Variants in LRRC69 observed in about 807,000 individuals in gnomAD.
LRRC69 encodes leucine-rich repeat-containing protein 69.
Under a neutral mutation model 37.8 loss-of-function variants are expected in LRRC69, and 42 were observed. The ratio of observed to expected loss-of-function variants is 1.11; its 90% CI spans 0.87 to 1.44. LRRC69 has a LOEUF of 1.44. LRRC69 is among the 40% of genes most tolerant of loss of function. The pLI is 0.00. For missense variants in LRRC69, 357 were observed against 401.9 expected (o/e 0.89, Z 0.96); for synonymous variants, 141 against 143.1 (o/e 0.99, Z 0.11).
At chr8:91,143,469 CATG>C (rs556884609) in intron 5 of LRRC69, among the ~76,000 whole-genome samples, 11 of 152,128 alleles carry the variant, frequency 7.2e-5, no homozygotes, top group African/African-American at 2.6e-4. Flanking sequence ...GTTTCAAATT[CATG>C]ATTTAACATT....
chr8:91,187,874 T>C (rs1477632709), intron 5 of LRRC69, among the ~76,000 whole-genome samples: 1 of 152,250 alleles, frequency 6.6e-6, no homozygotes, highest in Non-Finnish European at 1.5e-5. Context: ...GTCCTTCACT[T>C]GCTTATTTCT....
chr8:91,143,751 G>T (rs1808569917), intron 5 of LRRC69, among the ~76,000 whole-genome samples: 1 of 151,722 alleles, frequency 6.6e-6, no homozygotes, highest in South Asian at 2.1e-4. Flanking sequence ...TGAGAATACT[G>T]AAAGCAGTTT....
intron 5 of LRRC69, among the ~76,000 whole-genome samples, chr8:91,137,335 C>T (rs1427260075): frequency 2.6e-5 from 4 of 151,980 alleles, no homozygotes; most frequent in East Asian, 1.9e-4. Flanking sequence ...ACGTTTTCTA[C>T]GGTATTTCTA....
intron 3 of LRRC69, among the ~76,000 whole-genome samples, chr8:91,128,376 A>G (rs983930604): frequency 6.6e-6 from 1 of 152,094 alleles, no homozygotes; most frequent in African/African-American, 2.4e-5. Context: ...CGTAAATCTA[A>G]GGGAATATGT....
downstream of LRRC69, chr8:91,219,040 C>A: frequency 8.8e-7 from 1 of 1,133,984 alleles, no homozygotes; most frequent in Non-Finnish European, 1.3e-6. Context: ...CTCCACTTGC[C>A]CTGTCAGCTC....
At chr8:91,129,560 A>T (rs957045894) in intron 3 of LRRC69, among the ~76,000 whole-genome samples, 3 of 151,944 alleles carry the variant, frequency 2.0e-5, no homozygotes, top group African/African-American at 7.2e-5. Context: ...AATAAAAATG[A>T]TAATAAAAAT....
chr8:91,218,281 A>T (rs1810091774), intron 7 of LRRC69, among the ~76,000 whole-genome samples: 1 of 152,288 alleles, frequency 6.6e-6, no homozygotes, highest in South Asian at 2.1e-4. Context: ...TGAGGTTACC[A>T]TTATTTCAAA....
At chr8:91,172,667 C>T (rs1399768837) in intron 5 of LRRC69, among the ~76,000 whole-genome samples, 1 of 151,926 alleles carries the variant, frequency 6.6e-6, no homozygotes, top group African/African-American at 2.4e-5. Flanking sequence ...AGTCATGCAC[C>T]ACCACACTCG....
At chr8:91,106,461 G>C (rs1813313584) in intron 1 of LRRC69, among the ~76,000 whole-genome samples, 1 of 151,932 alleles carries the variant, frequency 6.6e-6, no homozygotes, top group Admixed American at 6.6e-5. Context: ...AATGCTAATA[G>C]AATAACAACA....
At chr8:91,123,266 C>T (rs375315977) in intron 1 of LRRC69, among the ~76,000 whole-genome samples, 3 of 151,940 alleles carry the variant, frequency 2.0e-5, no homozygotes, top group Non-Finnish European at 4.4e-5. Flanking sequence ...TTTTTTATAG[C>T]AGTTATAGGA....
At chr8:91,177,850 CTT>C (rs10645044) in intron 5 of LRRC69, among the ~76,000 whole-genome samples, 20 of 130,812 alleles carry the variant, frequency 1.5e-4, no homozygotes, top group Admixed American at 5.5e-4. Flanking sequence ...TTCTGCTTTT[CTT>C]TTTTTTTTTT....
chr8:91,108,261 G>A (rs535549761), intron 1 of LRRC69, among the ~76,000 whole-genome samples: 2 of 151,938 alleles, frequency 1.3e-5, no homozygotes, highest in African/African-American at 2.4e-5. Context: ...TACTTTTGCT[G>A]TCCTTAATGA....
intron 5 of LRRC69, among the ~76,000 whole-genome samples, chr8:91,185,770 G>T (rs1809398101): frequency 6.6e-6 from 1 of 151,252 alleles, no homozygotes; most frequent in African/African-American, 2.4e-5. Context: ...CCCCCTCCTT[G>T]AAACTTGACC....
intron 5 of LRRC69, among the ~76,000 whole-genome samples, chr8:91,153,008 C>G (rs565840156): frequency 1.7e-4 from 25 of 151,214 alleles, no homozygotes; most frequent in African/African-American, 5.6e-4. Flanking sequence ...TACACATAGG[C>G]TCAAAATAAA....
At chr8:91,104,903 A>G (rs923337154) in intron 1 of LRRC69, among the ~76,000 whole-genome samples, 2 of 152,076 alleles carry the variant, frequency 1.3e-5, no homozygotes, top group Non-Finnish European at 2.9e-5. Context: ...TCCAAGATAT[A>G]TTTCCATAGG....
intron 5 of LRRC69, among the ~76,000 whole-genome samples, chr8:91,165,066 T>C (rs1373416742): frequency 1.3e-5 from 2 of 151,590 alleles, no homozygotes; most frequent in Non-Finnish European, 2.9e-5. Flanking sequence ...GGAAGGTTGG[T>C]GAATAGACAT....
intron 5 of LRRC69, among the ~76,000 whole-genome samples, chr8:91,162,809 T>C (rs1451117688): frequency 1.3e-5 from 2 of 151,338 alleles, no homozygotes; most frequent in East Asian, 3.9e-4. Flanking sequence ...CCACCTCTGC[T>C]TTCCATTCTT....
chr8:91,108,044 A>G (rs561894803), intron 1 of LRRC69, among the ~76,000 whole-genome samples: 1 of 152,086 alleles, frequency 6.6e-6, no homozygotes, highest in Non-Finnish European at 1.5e-5. Context: ...AATTGTGTGC[A>G]GCATTGTTGA....
chr8:91,125,968 G>A (rs575676913), intron 2 of LRRC69, among the ~76,000 whole-genome samples: 1 of 151,900 alleles, frequency 6.6e-6, no homozygotes, highest in Admixed American at 6.6e-5. Context: ...ATCAGATCAG[G>A]GTAATTGGCA....
Sources: gnomAD v4.1 joint callset for allele counts (sites outside exome capture counted in the v4.1 genomes callset) on GRCh38, gnomAD v4.1.1 for gene constraint, MANE v1.5 for transcripts, NCBI Gene and HGNC (gene_info 2026-07-23, HGNC 2026-07-21) for gene names.